Variants in FMN1 observed in about 807,000 individuals in gnomAD.
FMN1 encodes formin 1.
FMN1 carries 110 observed loss-of-function variants against 132.4 expected under a neutral mutation model. The ratio of observed to expected loss-of-function variants is 0.83; its 90% CI spans 0.71 to 0.97. FMN1 has a LOEUF of 0.97. Ranked by LOEUF, FMN1 falls within the 50% of genes least tolerant of loss-of-function variation. The pLI, the probability that FMN1 is intolerant of heterozygous loss-of-function variation, is 0.00. For missense variants in FMN1, 1,792 were observed against 1,705.3 expected, an observed-to-expected ratio of 1.05 and a Z score of -0.90; for synonymous variants, 722 against 651.7, an observed-to-expected ratio of 1.11 and a Z score of -1.64.
chr15:32,794,570 AAAAAAAT>A (rs548287396), intron 19 of FMN1, among the ~76,000 whole-genome samples: 5 of 144,812 alleles, frequency 3.5e-5, no homozygotes, highest in Non-Finnish European at 7.8e-5. Flanking sequence ...TCAGCAGCCA[AAAAAAAT>A]AAAAAATAAA....
chr15:32,945,607 A>T (rs1022244991), intron 9 of FMN1, among the ~76,000 whole-genome samples: 5 of 152,190 alleles, frequency 3.3e-5, no homozygotes, highest in South Asian at 2.1e-4. Flanking sequence ...AGCTGGTTAG[A>T]GATAATGGGC....
At position 33,139,281 on chromosome 15, in the gene FMN1, G is replaced by C. The variant is rs545657017; in HGVS notation, c.1867+13767C>G. On this transcript the variant is annotated intron_variant, in intron 4 of 20. Transcript: ENST00000616417. ...CAATTGCTTATTGAGGAAGTTTCAAGGGTTCCAAAATAAATACCTAAATAG... is the reference window on the plus strand; with the variant it reads ...CAATTGCTTATTGAGGAAGTTTCAACGGTTCCAAAATAAATACCTAAATAG... Among the ~76,000 whole-genome samples, 20 of 152,258 alleles carry C rather than the reference G, an allele frequency of 1.3e-4. No individual in the cohort carries two copies. In the South Asian group the frequency reaches 3.1e-3, roughly 24 times the overall value.
At chr15:32,927,225 A>G (rs562527887) in intron 9 of FMN1, among the ~76,000 whole-genome samples, 2 of 152,354 alleles carry the variant, frequency 1.3e-5, no homozygotes, top group East Asian at 1.9e-4. Context: ...TATAAACAAT[A>G]TAATACCTTG....
intron 6 of FMN1, among the ~76,000 whole-genome samples, chr15:33,059,323 C>T (rs566015702): frequency 1.3e-5 from 2 of 152,272 alleles, no homozygotes; most frequent in East Asian, 3.9e-4. Flanking sequence ...GATTTAATGT[C>T]TTGGCTATTG....
chr15:32,786,229 G>A (rs529190446), intron 19 of FMN1, among the ~76,000 whole-genome samples: 2 of 152,260 alleles, frequency 1.3e-5, no homozygotes, highest in Non-Finnish European at 2.9e-5. Context: ...GGACGAACAT[G>A]ATAAACAAAG....
intron 2 of FMN1, among the ~76,000 whole-genome samples, chr15:33,183,767 A>G (rs1965784287): frequency 6.6e-6 from 1 of 152,188 alleles, no homozygotes; most frequent in Non-Finnish European, 1.5e-5. Context: ...CTCAGGACAA[A>G]ATGGAATGTT....
intron 4 of FMN1, among the ~76,000 whole-genome samples, chr15:33,111,747 G>A (rs747797850): frequency 5.9e-5 from 9 of 151,382 alleles, no homozygotes; most frequent in African/African-American, 2.0e-4. Context: ...GCAAATCTAC[G>A]GAGGCAGAAA....
chr15:32,778,641 A>C (rs1455121539), intron 19 of FMN1, among the ~76,000 whole-genome samples: 2 of 152,158 alleles, frequency 1.3e-5, no homozygotes, highest in East Asian at 3.9e-4. Flanking sequence ...AGAATCAGAA[A>C]GGAAGACAGT....
At chr15:32,774,725 A>G (rs2056359017) in intron 20 of FMN1, among the ~76,000 whole-genome samples, 1 of 152,184 alleles carries the variant, frequency 6.6e-6, no homozygotes, top group Admixed American at 6.5e-5. Flanking sequence ...ATGGAATTAG[A>G]GAATGCCCAA....
chr15:33,058,036 CGGGCTGGTGGTGGAAAGGTGTGGTG>C lies in FMN1; in HGVS notation c.2161+6896_2161+6920del, dbSNP rs539252192. 9.7e-3 allele frequency among the ~76,000 whole-genome samples: 1,426 copies of C among 146,748 alleles called. 16 individuals carry two copies. Among genetic ancestry groups the C allele is most frequent in the South Asian group, 0.018 (82 of 4,610 alleles). On this transcript the variant is annotated intron_variant, in intron 6 of 20. Transcript: ENST00000616417. ...CGGGGCTGGTAGTGGAAAGGCGTGG[CGGGCTGGTGGTGGAAAGGTGTGGTG>C]GGGCTGGTGGTGGAAAGGTGTGATG...
rs149528608 is a variant in FMN1, at chr15:33,039,003, T to C, written c.2161+25954A>G. 2.9e-3 allele frequency among the ~76,000 whole-genome samples: 436 copies of C among 152,296 alleles called. 1 individual carries two copies. Among genetic ancestry groups the C allele is most frequent in the African/African-American group, 0.01 (417 of 41,552 alleles). ...GATTCACAGACTCCCTCCAGATATC[T>C]GAATTAAAACAGGCTCCCCAGATTA... On this transcript the variant is annotated intron_variant, in intron 6 of 20. Coordinates refer to ENST00000616417, the MANE Select transcript of FMN1 (RefSeq NM_001277313.2).
chr15:33,092,010 T>C (rs2038921465), intron 4 of FMN1, among the ~76,000 whole-genome samples: 1 of 152,222 alleles, frequency 6.6e-6, no homozygotes, highest in South Asian at 2.1e-4. Flanking sequence ...GTATTAGTTA[T>C]TTTGTTCCTC....
At chr15:32,848,848 T>C (rs571339902) in intron 17 of FMN1, among the ~76,000 whole-genome samples, 3 of 152,184 alleles carry the variant, frequency 2.0e-5, no homozygotes, top group East Asian at 1.9e-4. Context: ...ATGAACCTGT[T>C]TGATTAGTTT....
intron 4 of FMN1, among the ~76,000 whole-genome samples, chr15:33,126,168 C>A (rs1452926824): frequency 2.6e-5 from 4 of 152,086 alleles, no homozygotes; most frequent in Admixed American, 2.6e-4. Flanking sequence ...TCATGAGGAG[C>A]ATACATCCTC....
intron 16 of FMN1, among the ~76,000 whole-genome samples, chr15:32,874,860 G>A (rs987606066): frequency 7.2e-5 from 11 of 152,074 alleles, no homozygotes; most frequent in African/African-American, 2.7e-4. Flanking sequence ...TTTGATACCC[G>A]GAGATTTGAT....
At chr15:32,964,501 T>C (rs1413346986) in intron 8 of FMN1, among the ~76,000 whole-genome samples, 1 of 152,242 alleles carries the variant, frequency 6.6e-6, no homozygotes, top group Non-Finnish European at 1.5e-5. Context: ...CGATCAAAGA[T>C]AGAGCTCTAC....
chr15:32,767,493 C>T lies in FMN1; in HGVS notation c.*6817G>A, dbSNP rs2056087387. The T allele has an allele frequency of 6.6e-6, 1 of 152,124 alleles. No individual in the cohort carries two copies. The highest frequency in any genetic ancestry group is 2.1e-4 in the South Asian group (1 of 4,828). The allele number at this position is 152,124 out of a possible 1,614,324, so 9.4% of individuals were successfully genotyped here. A position where few individuals can be genotyped will look rare whatever the true frequency, so the allele number is the denominator to read the frequency against. On this transcript the variant is annotated 3_prime_UTR_variant, in exon 21 of 21. Transcript: ENST00000616417. ...CCCCTAAATCAAAGTCCAAGGCCAC[C>T]CTGCTTGCCATGCTAGTCTAAATGA...
chr15:33,161,809 T>A (rs1411548386), intron 3 of FMN1, among the ~76,000 whole-genome samples: 3 of 151,664 alleles, frequency 2.0e-5, no homozygotes, highest in Admixed American at 6.6e-5. Flanking sequence ...TCCCAGCTAC[T>A]CAGGAGGCTG....
intron 1 of FMN1, 52 bp from the exon 2 acceptor site, chr15:33,194,112 C>G (rs1353610234): frequency 6.7e-6 from 1 of 149,368 alleles, no homozygotes; most frequent in Admixed American, 6.7e-5. Context: ...TCATTGCCAA[C>G]CATAGTCATG....
Sources: gnomAD v4.1 joint callset for allele counts (sites outside exome capture counted in the v4.1 genomes callset) on GRCh38, gnomAD v4.1.1 for gene constraint, MANE v1.5 for transcripts, NCBI Gene and HGNC (gene_info 2026-07-23, HGNC 2026-07-21) for gene names.